Variants in FILIP1L observed in about 807,000 individuals in gnomAD.
FILIP1L encodes the protein filamin A-interacting protein 1-like.
In FILIP1L, 55 loss-of-function variants were observed where a neutral mutation model predicts 96.6. The ratio of observed to expected loss-of-function variants is 0.57; its 90% CI spans 0.46 to 0.71. The LOEUF (loss-of-function observed/expected upper bound fraction) is 0.71, where lower values mean the gene tolerates loss of function less well. Ranked by LOEUF, FILIP1L falls within the 30% of genes least tolerant of loss-of-function variation. The pLI is 0.00. For synonymous variants in FILIP1L, 467 were observed against 473.9 expected, an observed-to-expected ratio of 0.99 and a Z score of 0.19; for missense variants, 1,304 against 1,321.2, an observed-to-expected ratio of 0.99 and a Z score of 0.20.
chr3:100,006,815 C>T (rs936012276), intron 1 of FILIP1L, among the ~76,000 whole-genome samples: 4 of 152,186 alleles, frequency 2.6e-5, no homozygotes, highest in African/African-American at 9.7e-5. Context: ...AGTAAACAAG[C>T]ATTCTTGATG....
At chr3:100,089,753 G>T (rs1022964428) in intron 1 of FILIP1L, among the ~76,000 whole-genome samples, 3 of 152,208 alleles carry the variant, frequency 2.0e-5, no homozygotes, top group Non-Finnish European at 4.4e-5. Flanking sequence ...ATCTGGAAAA[G>T]AAGACACCCG....
chr3:99,888,367 TA>T (rs111463591), intron 4 of FILIP1L, among the ~76,000 whole-genome samples: 63 of 145,070 alleles, frequency 4.3e-4, no homozygotes, highest in East Asian at 7.9e-4. Flanking sequence ...CTCCATAGCT[TA>T]AAAAAAAAAA....
rs557240303 is a variant in FILIP1L at position 99,976,554 on chromosome 3, G to A, written c.-10-45524C>T. Among the ~76,000 whole-genome samples, 3 of 152,252 alleles carry A rather than the reference G, an allele frequency of 2.0e-5. No individual in the cohort carries two copies. In the South Asian group the frequency reaches 6.2e-4, roughly 32 times the overall value. ...GTGGTTTTTCTTTCACCACATTGAA[G>A]ATACCACTTTATTTTCTCGTGGCTT... On this transcript the variant is annotated intron_variant, in intron 1 of 5. Coordinates refer to ENST00000477258, the MANE Select transcript of FILIP1L (RefSeq NM_001387850.1).
At position 99,894,199 on chromosome 3, in the gene FILIP1L, A is replaced by G. The variant is rs1319740661; in HGVS notation, c.605+30031T>C. ...TAATAGAAAAGGAGATAGGATGGTT[A>G]AAAACTAAGTAGATTGCATAAGATA... On this transcript the variant is annotated intron_variant, in intron 4 of 5. Transcript: ENST00000477258. Among the ~76,000 whole-genome samples, 8 of 152,234 alleles carry G rather than the reference A, an allele frequency of 5.3e-5. No homozygotes were observed. In the East Asian group the frequency reaches 1.3e-3, roughly 26 times the overall value.
At chr3:99,892,131 A>T (rs1706102342) in intron 4 of FILIP1L, among the ~76,000 whole-genome samples, 1 of 152,196 alleles carries the variant, frequency 6.6e-6, no homozygotes, top group East Asian at 1.9e-4. Context: ...CTGGAGTCTC[A>T]TTCCAGATGC....
chr3:99,950,701 T>C (rs1298324986), intron 1 of FILIP1L, among the ~76,000 whole-genome samples: 1 of 152,222 alleles, frequency 6.6e-6, no homozygotes, highest in Non-Finnish European at 1.5e-5. Context: ...CGATTCTCTT[T>C]ACACGTTTCA....
chr3:100,101,320 T>A (rs2066301108), intron 1 of FILIP1L, among the ~76,000 whole-genome samples: 1 of 152,166 alleles, frequency 6.6e-6, no homozygotes, highest in African/African-American at 2.4e-5. Context: ...TTGACTTCGT[T>A]GACTGAGGAC....
intron 4 of FILIP1L, among the ~76,000 whole-genome samples, chr3:99,879,262 A>G (rs573189184): frequency 2.4e-4 from 36 of 152,294 alleles, no homozygotes; most frequent in African/African-American, 8.4e-4. Flanking sequence ...GGCAAGAAAC[A>G]AGGAGATACC....
At chr3:100,062,879 ACAT>A (rs1382040760) in intron 1 of FILIP1L, among the ~76,000 whole-genome samples, 1 of 152,190 alleles carries the variant, frequency 6.6e-6, no homozygotes, top group African/African-American at 2.4e-5. Context: ...TACAAAGTGG[ACAT>A]CATGAGACCT....
chr3:99,975,933 G>T (rs1413525696), intron 1 of FILIP1L, among the ~76,000 whole-genome samples: 1 of 152,198 alleles, frequency 6.6e-6, no homozygotes, highest in Non-Finnish European at 1.5e-5. Flanking sequence ...TGTCCAGGCT[G>T]GAGTGCAGTG....
chr3:99,955,668 A>G (rs971606245), intron 1 of FILIP1L, among the ~76,000 whole-genome samples: 1 of 152,102 alleles, frequency 6.6e-6, no homozygotes, highest in African/African-American at 2.4e-5. Context: ...TTTGATGATA[A>G]TGAAATAACT....
intron 1 of FILIP1L, among the ~76,000 whole-genome samples, chr3:99,999,059 T>C (rs1273759218): frequency 6.6e-6 from 1 of 152,236 alleles, no homozygotes; most frequent in Non-Finnish European, 1.5e-5. Flanking sequence ...TAGGCACTTG[T>C]ACTATGTACC....
chr3:99,887,438 C>T (rs1705939276), intron 4 of FILIP1L, among the ~76,000 whole-genome samples: 1 of 152,114 alleles, frequency 6.6e-6, no homozygotes. Flanking sequence ...CAGAGCTGGG[C>T]CTCTGCAGGC....
chr3:99,928,515 C>T (rs537746272), intron 3 of FILIP1L, among the ~76,000 whole-genome samples: 1 of 152,238 alleles, frequency 6.6e-6, no homozygotes, highest in South Asian at 2.1e-4. Flanking sequence ...CTTTCAGGGG[C>T]ACCTTACAGA....
intron 1 of FILIP1L, among the ~76,000 whole-genome samples, chr3:100,014,895 C>CT (rs1233573719): frequency 0.039 from 984 of 25,014 alleles, 62 homozygotes; most frequent in South Asian, 0.057. Flanking sequence ...TTCTTTCTTT[C>CT]TTTTTTTTTT....
intron 1 of FILIP1L, among the ~76,000 whole-genome samples, chr3:99,985,210 C>T (rs1709300548): frequency 6.6e-6 from 1 of 152,072 alleles, no homozygotes; most frequent in African/African-American, 2.4e-5. Flanking sequence ...GAGAAAACTG[C>T]AATTGGTTCT....
intron 1 of FILIP1L, among the ~76,000 whole-genome samples, chr3:100,003,007 G>A (rs536556989): frequency 6.6e-6 from 1 of 152,306 alleles, no homozygotes; most frequent in South Asian, 2.1e-4. Flanking sequence ...GAGGGATGAC[G>A]TAATGGATTG....
chr3:100,070,843 A>C (rs1401234824), intron 1 of FILIP1L, among the ~76,000 whole-genome samples: 4 of 152,094 alleles, frequency 2.6e-5, no homozygotes, highest in African/African-American at 7.2e-5. Context: ...GTTGGCCAGG[A>C]TATTCACGAA....
chr3:99,983,460 GTGTGTATATATATATA>G (rs1709215705), intron 1 of FILIP1L, among the ~76,000 whole-genome samples: 8 of 69,478 alleles, frequency 1.2e-4, no homozygotes, highest in East Asian at 8.4e-4. Flanking sequence ...ATATATATAT[GTGTGTATATATATATA>G]TATATATATA....
Sources: gnomAD v4.1 joint callset for allele counts (sites outside exome capture counted in the v4.1 genomes callset) on GRCh38, gnomAD v4.1.1 for gene constraint, MANE v1.5 for transcripts, NCBI Gene and HGNC (gene_info 2026-07-23, HGNC 2026-07-21) for gene names.